The following KCNAB1 variants were observed in gnomAD, a reference collection of about 807,000 sequenced individuals.
The protein encoded by KCNAB1 is potassium voltage-gated channel subfamily A regulatory beta subunit 1.
Under a neutral mutation model 64.6 loss-of-function variants are expected in KCNAB1, and 35 were observed. That is an observed-to-expected ratio of 0.54 (90% CI 0.41 to 0.72). The LOEUF is 0.72. Among genes scored for constraint, KCNAB1 ranks in the 30% least tolerant of loss-of-function variants. The pLI, the probability that KCNAB1 is intolerant of heterozygous loss-of-function variation, is 0.00. For missense variants in KCNAB1, 401 were observed against 512.9 expected (o/e 0.78, Z 2.11); for synonymous variants, 177 against 183.8 (o/e 0.96, Z 0.30).
intron 1 of KCNAB1, among the ~76,000 whole-genome samples, chr3:156,353,791 A>G (rs1938256637): frequency 6.6e-6 from 1 of 152,218 alleles, no homozygotes; most frequent in Admixed American, 6.5e-5. Context: ...GGCGAGCCTG[A>G]AAGCAGCCAG....
intron 1 of KCNAB1, among the ~76,000 whole-genome samples, chr3:156,121,226 A>T (rs1218541021): frequency 2.0e-5 from 3 of 152,164 alleles, no homozygotes. Context: ...TACAAAAAAG[A>T]GTTTGCAATC....
intron 2 of KCNAB1, among the ~76,000 whole-genome samples, chr3:156,450,863 ACC>A (rs57598632): frequency 2.0e-5 from 2 of 100,122 alleles, no homozygotes; most frequent in African/African-American, 5.4e-5. Context: ...CCATCCACCC[ACC>A]CCCCCCCAAA....
At chr3:156,220,587 T>C (rs1452107500) in intron 1 of KCNAB1, among the ~76,000 whole-genome samples, 1 of 152,206 alleles carries the variant, frequency 6.6e-6, no homozygotes, top group Non-Finnish European at 1.5e-5. Context: ...TGTAAATTTG[T>C]TTAAGTTCTT....
intron 1 of KCNAB1, among the ~76,000 whole-genome samples, chr3:156,404,594 TAGG>T (rs200794764): frequency 0.013 from 2,026 of 152,290 alleles, 21 homozygotes; most frequent in South Asian, 0.034. Flanking sequence ...GTCAGATAAA[TAGG>T]TTAAGGCAAG....
At chr3:156,287,924 G>T (rs899385007) in intron 1 of KCNAB1, among the ~76,000 whole-genome samples, 1 of 152,120 alleles carries the variant, frequency 6.6e-6, no homozygotes. Context: ...ATAGTTTCTT[G>T]CAAGCAATGA....
At chr3:156,274,737 G>A (rs759399124) in intron 1 of KCNAB1, among the ~76,000 whole-genome samples, 3 of 152,160 alleles carry the variant, frequency 2.0e-5, no homozygotes, top group Non-Finnish European at 2.9e-5. Flanking sequence ...TAATTGACAA[G>A]TAAAATTACG....
At chr3:156,287,622 T>A (rs1164433345) in intron 1 of KCNAB1, among the ~76,000 whole-genome samples, 1 of 151,576 alleles carries the variant, frequency 6.6e-6, no homozygotes, top group Non-Finnish European at 1.5e-5. Flanking sequence ...AGGTCAGGAG[T>A]TTGAGACCAG....
At chr3:156,442,863 T>C (rs892138573) in intron 2 of KCNAB1, among the ~76,000 whole-genome samples, 2 of 152,190 alleles carry the variant, frequency 1.3e-5, no homozygotes, top group Non-Finnish European at 2.9e-5. Flanking sequence ...AGGATGGCTC[T>C]GTGCATGAGG....
At chr3:156,242,714 C>T (rs1205439008) in intron 1 of KCNAB1, among the ~76,000 whole-genome samples, 5 of 151,084 alleles carry the variant, frequency 3.3e-5, no homozygotes, top group South Asian at 4.2e-4. Context: ...TCTCTTAACT[C>T]TAAATAAACC....
At chr3:156,425,254 T>G (rs1715736584) in intron 2 of KCNAB1, among the ~76,000 whole-genome samples, 2 of 152,206 alleles carry the variant, frequency 1.3e-5, no homozygotes, top group Non-Finnish European at 2.9e-5. Context: ...CTAAAAGTGA[T>G]AGTTAAAGCT....
intron 1 of KCNAB1, among the ~76,000 whole-genome samples, chr3:156,131,137 G>A (rs181290351): frequency 9.2e-5 from 14 of 152,318 alleles, no homozygotes; most frequent in African/African-American, 3.4e-4. Context: ...GTCACTGAAT[G>A]GCATGTGCTA....
At chr3:156,250,068 G>T (rs770226781) in intron 1 of KCNAB1, among the ~76,000 whole-genome samples, 3 of 152,142 alleles carry the variant, frequency 2.0e-5, no homozygotes, top group Non-Finnish European at 2.9e-5. Context: ...AGAAGGATGC[G>T]GGCTCTGGGA....
intron 1 of KCNAB1, among the ~76,000 whole-genome samples, chr3:156,248,571 A>T (rs181193711): frequency 6.6e-6 from 1 of 151,250 alleles, no homozygotes; most frequent in African/African-American, 2.4e-5. Context: ...TATAGAATGA[A>T]TGCCATTAGT....
At chr3:156,421,754 TC>T in intron 2 of KCNAB1, 95 bp downstream of exon 2, 2 of 1,067,964 alleles carry the variant, frequency 1.9e-6, no homozygotes, top group South Asian at 1.4e-5. Flanking sequence ...GGACCTGGTC[TC>T]AGATGAGGAG....
intron 1 of KCNAB1, among the ~76,000 whole-genome samples, chr3:156,386,052 G>T (rs1023158795): frequency 2.0e-5 from 3 of 152,216 alleles, no homozygotes; most frequent in African/African-American, 7.2e-5. Flanking sequence ...CAGGTCTCTA[G>T]CAGTCTCAAT....
chr3:156,480,230 T>C (rs1333794909), intron 8 of KCNAB1, among the ~76,000 whole-genome samples: 1 of 152,092 alleles, frequency 6.6e-6, no homozygotes, highest in Non-Finnish European at 1.5e-5. Flanking sequence ...AAACATGATA[T>C]AGAAGGAAGA....
intron 1 of KCNAB1, among the ~76,000 whole-genome samples, chr3:156,296,946 T>C (rs1383007988): frequency 1.3e-5 from 2 of 152,210 alleles, no homozygotes; most frequent in African/African-American, 4.8e-5. Context: ...ACCAGGAAAT[T>C]GATGATCCAT....
upstream of KCNAB1, among the ~76,000 whole-genome samples, chr3:156,119,879 A>C (rs1369959784): frequency 6.6e-6 from 1 of 151,212 alleles, no homozygotes; most frequent in Non-Finnish European, 1.5e-5. Context: ...ATTCCCTCCC[A>C]CTCTTCTGTT....
chr3:156,533,012 T>A (rs948533766), intron 13 of KCNAB1, among the ~76,000 whole-genome samples: 1 of 152,224 alleles, frequency 6.6e-6, no homozygotes, highest in South Asian at 2.1e-4. Context: ...TTAAAATATC[T>A]ATCCCTTAAT....
Sources: gnomAD v4.1 joint callset for allele counts (sites outside exome capture counted in the v4.1 genomes callset) on GRCh38, gnomAD v4.1.1 for gene constraint, MANE v1.5 for transcripts, NCBI Gene and HGNC (gene_info 2026-07-23, HGNC 2026-07-21) for gene names.